The following SAMD12 variants were observed in gnomAD, a reference collection of about 807,000 sequenced individuals.
SAMD12 encodes sterile alpha motif domain-containing protein 12.
In SAMD12, 9 loss-of-function variants were observed where a neutral mutation model predicts 15.0. The observed-to-expected ratio is 0.60, with a 90% CI of 0.36 to 1.05. SAMD12 has a LOEUF of 1.05. Among genes scored for constraint, SAMD12 ranks in the 50% least tolerant of loss-of-function variants. The pLI is 0.01. For synonymous variants in SAMD12, 86 were observed against 90.1 expected (o/e 0.96, Z 0.25); for missense variants, 230 against 234.2 (o/e 0.98, Z 0.12).
intron 4 of SAMD12, among the ~76,000 whole-genome samples, chr8:118,334,404 T>C (rs1211229966): frequency 6.6e-6 from 1 of 152,196 alleles, no homozygotes; most frequent in Non-Finnish European, 1.5e-5. Context: ...AGTGAAGAGA[T>C]GCCTGCCTTT....
At chr8:118,349,019 G>A (rs1200577429) in intron 4 of SAMD12, among the ~76,000 whole-genome samples, 1 of 152,178 alleles carries the variant, frequency 6.6e-6, no homozygotes, top group African/African-American at 2.4e-5. Flanking sequence ...TGTAAATAGA[G>A]CAAGACTCTA....
rs1586478727 is a variant in SAMD12, at chr8:118,303,927, G to A, written c.433+75633C>T. Among the ~76,000 whole-genome samples, 3 of 152,244 alleles carry A rather than the reference G, an allele frequency of 2.0e-5. No homozygotes were observed. The South Asian group carries it at 6.2e-4, about 32-fold the overall frequency. On this transcript the variant is annotated intron_variant, in intron 4 of 4. Coordinates refer to the SAMD12 transcript ENST00000409003. The stretch of plus-strand genomic sequence containing the variant: ...TCTGCATTGTTGGCTATAAAAGCCC[G>A]ACAACGATCTTCGAGTGCTTATCCT...
At chr8:118,552,301 CA>C (rs1317220680) in intron 2 of SAMD12, among the ~76,000 whole-genome samples, 2 of 152,112 alleles carry the variant, frequency 1.3e-5, no homozygotes, top group East Asian at 3.8e-4. Context: ...AAACCGAATC[CA>C]GCAGCACATC....
At chr8:118,214,124 A>G (rs1811901660) in intron 4 of SAMD12, among the ~76,000 whole-genome samples, 1 of 152,200 alleles carries the variant, frequency 6.6e-6, no homozygotes, top group Admixed American at 6.5e-5. Context: ...TAGTGGAAAC[A>G]AGCATGAATC....
intron 4 of SAMD12, among the ~76,000 whole-genome samples, chr8:118,343,930 A>G (rs1817499835): frequency 6.6e-6 from 1 of 152,256 alleles, no homozygotes. Context: ...TGAAGTGGGA[A>G]TAAGAATATC....
chr8:118,593,726 T>A (rs1827645681), intron 1 of SAMD12, among the ~76,000 whole-genome samples: 1 of 152,124 alleles, frequency 6.6e-6, no homozygotes, highest in African/African-American at 2.4e-5. Flanking sequence ...AATGTTAGTT[T>A]TAAAAAGAAC....
chr8:118,438,068 G>A (rs1000125598), intron 3 of SAMD12, among the ~76,000 whole-genome samples: 4 of 152,180 alleles, frequency 2.6e-5, no homozygotes, highest in African/African-American at 9.7e-5. Flanking sequence ...ACAGTTAGGA[G>A]TAGAATAACT....
chr8:118,609,345 G>A (rs1350508787), intron 1 of SAMD12, among the ~76,000 whole-genome samples: 1 of 152,174 alleles, frequency 6.6e-6, no homozygotes, highest in Non-Finnish European at 1.5e-5. Flanking sequence ...TTTCATTACG[G>A]TCTACTTTAT....
At chr8:118,595,161 C>A (rs548411414) in intron 1 of SAMD12, among the ~76,000 whole-genome samples, 1 of 152,126 alleles carries the variant, frequency 6.6e-6, no homozygotes, top group Non-Finnish European at 1.5e-5. Context: ...ATCCTATGGA[C>A]GTCTTAATCA....
chr8:118,484,532 T>C (rs1234218578), intron 2 of SAMD12, among the ~76,000 whole-genome samples: 1 of 152,212 alleles, frequency 6.6e-6, no homozygotes, highest in Non-Finnish European at 1.5e-5. Context: ...AGGCATATTC[T>C]GTATATTCTT....
At chr8:118,310,227 T>C (rs1815562765) in intron 4 of SAMD12, among the ~76,000 whole-genome samples, 1 of 152,218 alleles carries the variant, frequency 6.6e-6, no homozygotes, top group Non-Finnish European at 1.5e-5. Flanking sequence ...TTTCCTTTGT[T>C]TGGTCTCCTT....
chr8:118,595,896 T>G (rs1375840358), intron 1 of SAMD12, among the ~76,000 whole-genome samples: 2 of 152,240 alleles, frequency 1.3e-5, no homozygotes, highest in Non-Finnish European at 2.9e-5. Flanking sequence ...ACATTAGTGT[T>G]TGATAAATAT....
chr8:118,445,232 A>C (rs1317671232), intron 2 of SAMD12, among the ~76,000 whole-genome samples: 1 of 152,178 alleles, frequency 6.6e-6, no homozygotes, highest in Non-Finnish European at 1.5e-5. Flanking sequence ...CATTCACCCA[A>C]AAAAGGTCAC....
chr8:118,429,452 A>C (rs1822332099), intron 3 of SAMD12, among the ~76,000 whole-genome samples: 1 of 152,252 alleles, frequency 6.6e-6, no homozygotes, highest in African/African-American at 2.4e-5. Flanking sequence ...ATTCTAGACA[A>C]CACTCCAACT....
chr8:118,554,613 A>C (rs1449261898), intron 2 of SAMD12, among the ~76,000 whole-genome samples: 2 of 152,050 alleles, frequency 1.3e-5, no homozygotes, highest in Non-Finnish European at 2.9e-5. Flanking sequence ...CTAGCATGTC[A>C]CATATATACA....
exon 5 of SAMD12, chr8:118,197,637 G>A (rs1819602197): frequency 8.1e-7 from 1 of 1,236,848 alleles, no homozygotes; most frequent in Admixed American, 1.7e-5. Context: ...AGTGCCATGG[G>A]TTAGTCTTTC....
intron 1 of SAMD12, among the ~76,000 whole-genome samples, chr8:118,616,500 C>A (rs1695903417): frequency 6.6e-6 from 1 of 152,180 alleles, no homozygotes; most frequent in African/African-American, 2.4e-5. Flanking sequence ...CAGGACAGAG[C>A]TTCTTGTGTT....
chr8:118,312,106 A>G (rs1297155477), intron 4 of SAMD12, among the ~76,000 whole-genome samples: 1 of 152,090 alleles, frequency 6.6e-6, no homozygotes, highest in Middle Eastern at 3.4e-3. Context: ...GGATCACTAC[A>G]CCTTTACACA....
At chr8:118,524,156 T>C (rs756240513) in intron 2 of SAMD12, among the ~76,000 whole-genome samples, 1 of 152,086 alleles carries the variant, frequency 6.6e-6, no homozygotes, top group Non-Finnish European at 1.5e-5. Context: ...GCTCTTGTTC[T>C]CCAAATCCAC....
Sources: allele counts gnomAD v4.1 joint callset (sites outside exome capture counted in the v4.1 genomes callset), GRCh38; gene constraint gnomAD v4.1.1; transcripts MANE v1.5; gene names NCBI Gene and HGNC (gene_info 2026-07-23, HGNC 2026-07-21).